MKLN1: variants seen among roughly 807,000 people sequenced by gnomAD.
The protein encoded by MKLN1 is muskelin 1.
In MKLN1, 18 loss-of-function variants were observed where a neutral mutation model predicts 99.0. The observed-to-expected ratio is 0.18, with a 90% CI of 0.13 to 0.27. The LOEUF (loss-of-function observed/expected upper bound fraction) is 0.27. MKLN1 is among the 10% of genes least tolerant of loss of function. The pLI, the probability that MKLN1 is intolerant of heterozygous loss-of-function variation, is 1.00. For synonymous variants in MKLN1, 288 were observed against 293.2 expected (o/e 0.98, Z 0.18); for missense variants, 621 against 875.9 (o/e 0.71, Z 3.67).
At chr7:131,207,824 C>T (rs921281512) in intron 3 of MKLN1, among the ~76,000 whole-genome samples, 7 of 152,160 alleles carry the variant, frequency 4.6e-5, no homozygotes, top group African/African-American at 7.2e-5. Flanking sequence ...ACCTGGAGAA[C>T]AGCCTGATGA....
At chr7:131,265,636 T>C (rs1330333066) in intron 3 of MKLN1, among the ~76,000 whole-genome samples, 2 of 152,162 alleles carry the variant, frequency 1.3e-5, no homozygotes, top group Admixed American at 1.3e-4. Flanking sequence ...GCTGGGTCTA[T>C]GTGAATTCCC....
chr7:131,418,091 G>A (rs1313456435), intron 8 of MKLN1, among the ~76,000 whole-genome samples: 3 of 152,080 alleles, frequency 2.0e-5, no homozygotes, highest in East Asian at 1.9e-4. Context: ...AGAGATGGCC[G>A]GGCACGGTGG....
At chr7:131,346,042 A>G (rs1173870145) in intron 1 of MKLN1, among the ~76,000 whole-genome samples, 1 of 152,202 alleles carries the variant, frequency 6.6e-6, no homozygotes, top group Non-Finnish European at 1.5e-5. Flanking sequence ...AAAATGAAAG[A>G]CCTTCCAGCC....
chr7:131,370,009 T>G (rs1800297489), intron 1 of MKLN1, among the ~76,000 whole-genome samples: 1 of 152,180 alleles, frequency 6.6e-6, no homozygotes, highest in East Asian at 1.9e-4. Flanking sequence ...GCTAATTTTT[T>G]GTATTTTTAG....
chr7:131,480,321 C>CA lies in MKLN1; in HGVS notation c.2086+1645dup, dbSNP rs551184602. ...ATTTTTTATGTTTGGAATAAAATAA[C>CA]ACTTTGGGATATCAATTTAGTTTCT... is the stretch of plus-strand genomic sequence containing the variant. On this transcript the variant is annotated intron_variant, in intron 17 of 17. Coordinates refer to ENST00000352689, the MANE Select transcript of MKLN1 (RefSeq NM_013255.5). 5.9e-3 allele frequency among the ~76,000 whole-genome samples: 891 copies of CA among 152,162 alleles called. 2 individuals carry two copies. The highest frequency in any genetic ancestry group is 9.3e-3 in the Non-Finnish European group (630 of 67,992).
chr7:131,176,157 C>T (rs1796296200), intron 2 of MKLN1, among the ~76,000 whole-genome samples: 1 of 151,924 alleles, frequency 6.6e-6, no homozygotes, highest in Admixed American at 6.6e-5. Context: ...GTAACATATC[C>T]TATATATTTT....
chr7:131,443,398 T>C, intron 10 of MKLN1, 83 bp from the exon 11 acceptor site: 13 of 1,013,292 alleles, frequency 1.3e-5, no homozygotes, highest in South Asian at 6.8e-5. Flanking sequence ...TTTGAGAATG[T>C]AAAACTGTAC....
At chr7:131,323,092 C>A (rs181814936), upstream of MKLN1, among the ~76,000 whole-genome samples, 1,065 of 152,282 alleles carry the variant, frequency 7.0e-3, 16 homozygotes, top group Admixed American at 0.021. Context: ...GTTGGATCTG[C>A]ATTTTTATAG....
At chr7:131,275,559 ATATATATATTTTT>A (rs1179717811) in intron 3 of MKLN1, among the ~76,000 whole-genome samples, 1 of 14,460 alleles carries the variant, frequency 6.9e-5, no homozygotes, top group African/African-American at 4.4e-4. Flanking sequence ...ATATATATAT[ATATATATATTTTT>A]TTTTTTTTTT....
intron 1 of MKLN1, among the ~76,000 whole-genome samples, chr7:131,348,673 G>A (rs1463308509): frequency 2.0e-5 from 3 of 152,108 alleles, no homozygotes; most frequent in African/African-American, 7.2e-5. Flanking sequence ...TTATGGGTAT[G>A]AGAGGAGAGT....
chr7:131,300,917 T>G (rs1481842321), intron 3 of MKLN1, among the ~76,000 whole-genome samples: 6 of 152,170 alleles, frequency 3.9e-5, no homozygotes, highest in Non-Finnish European at 8.8e-5. Flanking sequence ...CATTGCAGTA[T>G]TTGGTTTCTT....
intron 3 of MKLN1, among the ~76,000 whole-genome samples, chr7:131,313,453 G>T (rs557454024): frequency 6.6e-6 from 1 of 152,256 alleles, no homozygotes; most frequent in East Asian, 1.9e-4. Flanking sequence ...CATGAGACTG[G>T]TAAAACTCAC....
intron 3 of MKLN1, among the ~76,000 whole-genome samples, chr7:131,262,536 T>C (rs192684836): frequency 1.3e-5 from 2 of 152,122 alleles, no homozygotes; most frequent in Non-Finnish European, 2.9e-5. Context: ...TTTGTTATTA[T>C]GTTTTTTTTT....
chr7:131,179,556 C>CATTATTATTATTATT (rs146282031), intron 2 of MKLN1, among the ~76,000 whole-genome samples: 17 of 150,466 alleles, frequency 1.1e-4, no homozygotes, highest in African/African-American at 3.2e-4. Context: ...TTAAAAGAGA[C>CATTATTATTATTATT]ATTATTATTA....
chr7:131,280,713 A>G (rs979549300), intron 3 of MKLN1, among the ~76,000 whole-genome samples: 12 of 151,786 alleles, frequency 7.9e-5, no homozygotes, highest in South Asian at 4.2e-4. Context: ...CAGTGGCACA[A>G]TCTTGGCTCA....
At chr7:131,482,869 G>A (rs930746987) in intron 17 of MKLN1, among the ~76,000 whole-genome samples, 1 of 152,206 alleles carries the variant, frequency 6.6e-6, no homozygotes, top group Non-Finnish European at 1.5e-5. Context: ...TATCCCCACA[G>A]TAGCCCTATG....
intron 1 of MKLN1, among the ~76,000 whole-genome samples, chr7:131,125,472 T>C (rs571934614): frequency 1.3e-5 from 2 of 152,108 alleles, no homozygotes; most frequent in African/African-American, 4.8e-5. Context: ...GACACAAGAC[T>C]CCCTCTGGCC....
At chr7:131,174,903 C>T (rs1021186694) in intron 2 of MKLN1, among the ~76,000 whole-genome samples, 1 of 151,974 alleles carries the variant, frequency 6.6e-6, no homozygotes, top group Non-Finnish European at 1.5e-5. Flanking sequence ...TCAGACAGGG[C>T]AAGTCTGTTC....
intron 3 of MKLN1, among the ~76,000 whole-genome samples, chr7:131,265,671 T>C (rs1797797662): frequency 6.6e-6 from 1 of 152,208 alleles, no homozygotes; most frequent in Admixed American, 6.5e-5. Context: ...CGTTCCAGGT[T>C]CTCCAGGCTC....
Sources: gnomAD v4.1 joint callset for allele counts (sites outside exome capture counted in the v4.1 genomes callset) on GRCh38, gnomAD v4.1.1 for gene constraint, MANE v1.5 for transcripts, NCBI Gene and HGNC (gene_info 2026-07-23, HGNC 2026-07-21) for gene names.